Variants in MME observed in about 807,000 individuals in gnomAD.
The protein encoded by MME is membrane metalloendopeptidase.
In MME, 98 loss-of-function variants were observed where a neutral mutation model predicts 113.2. The ratio of observed to expected loss-of-function variants is 0.87; its 90% CI spans 0.74 to 1.02. MME has a LOEUF of 1.02. Ranked by LOEUF, MME falls within the 50% of genes least tolerant of loss-of-function variation. MME has a pLI of 0.00. For missense variants in MME, 836 were observed against 896.0 expected (o/e 0.93, Z 0.86); for synonymous variants, 292 against 300.6 (o/e 0.97, Z 0.30).
intron 3 of MME, among the ~76,000 whole-genome samples, chr3:155,110,110 G>C (rs1009638397): frequency 2.6e-5 from 4 of 152,222 alleles, no homozygotes; most frequent in African/African-American, 9.6e-5. Flanking sequence ...GCAGGAAAGA[G>C]AGTAAGTAAA....
At chr3:155,057,741 G>C (rs965029633) in intron 1 of MME, among the ~76,000 whole-genome samples, 2 of 150,462 alleles carry the variant, frequency 1.3e-5, no homozygotes, top group African/African-American at 4.9e-5. Context: ...GCAGGGAAGA[G>C]AGAAGTAAAG....
In MME at chr3:155,045,342, G is replaced by T. The variant is rs1400112312; in HGVS notation, c.-11+21018G>T. On this transcript the variant is annotated intron_variant, in intron 1 of 22. Coordinates refer to the MME transcript ENST00000492661. Reference sequence around the variant, plus strand: ...ATTTTTGTATTTTAGTGGAGACAGGGTTTCTCCATGTTGGCCGGGATGGTC... The same window carrying T: ...ATTTTTGTATTTTAGTGGAGACAGGTTTTCTCCATGTTGGCCGGGATGGTC... Among the ~76,000 whole-genome samples, 3 of 151,890 alleles carry T rather than the reference G, an allele frequency of 2.0e-5. No individual in the cohort carries two copies. The East Asian group carries it at 5.8e-4, about 30-fold the overall frequency.
intron 3 of MME, 151 bp from the exon 4 acceptor site, chr3:155,114,843 C>A: frequency 1.4e-6 from 1 of 739,528 alleles, no homozygotes; most frequent in South Asian, 1.6e-5. Context: ...AGATAGTATT[C>A]CTCATCCCCC....
chr3:155,057,129 C>G (rs1184023764), intron 1 of MME, among the ~76,000 whole-genome samples: 1 of 151,998 alleles, frequency 6.6e-6, no homozygotes, highest in Non-Finnish European at 1.5e-5. Flanking sequence ...TTCTGCACAG[C>G]AAAAGAAACT....
intron 16 of MME, among the ~76,000 whole-genome samples, chr3:155,154,295 G>A (rs1341759765): frequency 6.6e-6 from 1 of 152,126 alleles, no homozygotes; most frequent in Non-Finnish European, 1.5e-5. Flanking sequence ...CATATAGAAA[G>A]TTCCTGAAAG....
At chr3:155,114,902 C>T in intron 3 of MME, 92 bp from the exon 4 acceptor site, 1 of 1,286,870 alleles carries the variant, frequency 7.8e-7, no homozygotes, top group Non-Finnish European at 1.1e-6. Flanking sequence ...CAAATTGATG[C>T]AATCAAAAGG....
intron 22 of MME, among the ~76,000 whole-genome samples, chr3:155,178,415 T>C (rs1244924210): frequency 6.6e-6 from 1 of 152,088 alleles, no homozygotes; most frequent in Non-Finnish European, 1.5e-5. Flanking sequence ...AGAAAATGCT[T>C]TCTTTCTCTT....
intron 3 of MME, among the ~76,000 whole-genome samples, chr3:155,094,479 T>A (rs1716554262): frequency 6.6e-6 from 1 of 152,238 alleles, no homozygotes. Flanking sequence ...GCAAATGCAC[T>A]ATTTAAAATT....
upstream of MME, among the ~76,000 whole-genome samples, chr3:155,078,144 C>T (rs1011144023): frequency 1.3e-5 from 2 of 151,674 alleles, no homozygotes; most frequent in Non-Finnish European, 2.9e-5. Flanking sequence ...GAGGCTGAGG[C>T]AGGAGAATCG....
At chr3:155,141,049 A>T (rs962907343) in intron 10 of MME, among the ~76,000 whole-genome samples, 6 of 152,152 alleles carry the variant, frequency 3.9e-5, no homozygotes, top group African/African-American at 7.2e-5. Context: ...TTTTGTGGCT[A>T]TGCATTTATT....
chr3:155,056,021 G>A (rs1713915036), intron 1 of MME, among the ~76,000 whole-genome samples: 1 of 151,878 alleles, frequency 6.6e-6, no homozygotes, highest in South Asian at 2.1e-4. Context: ...CTCACCAACT[G>A]CCACTATCCA....
At chr3:155,101,310 G>A (rs892788860) in intron 3 of MME, among the ~76,000 whole-genome samples, 3 of 152,132 alleles carry the variant, frequency 2.0e-5, no homozygotes, top group Non-Finnish European at 4.4e-5. Flanking sequence ...CATTTTGCAT[G>A]GTGCATATCA....
chr3:155,107,967 A>G (rs928484717), intron 3 of MME, among the ~76,000 whole-genome samples: 2 of 152,224 alleles, frequency 1.3e-5, no homozygotes, highest in Admixed American at 1.3e-4. Flanking sequence ...TGAGCAATGG[A>G]TAAACATCGT....
At chr3:155,173,118 A>T (rs1712165467) in intron 22 of MME, among the ~76,000 whole-genome samples, 1 of 152,176 alleles carries the variant, frequency 6.6e-6, no homozygotes. Flanking sequence ...TCTACAGAGT[A>T]GAAAACTGAG....
chr3:155,144,718 G>A (rs1228110592), intron 14 of MME, among the ~76,000 whole-genome samples: 1 of 152,054 alleles, frequency 6.6e-6, no homozygotes, highest in African/African-American at 2.4e-5. Context: ...TGCACTATTG[G>A]TGCATTATAA....
At chr3:155,056,994 T>G (rs980557910) in intron 1 of MME, among the ~76,000 whole-genome samples, 5 of 152,168 alleles carry the variant, frequency 3.3e-5, no homozygotes, top group African/African-American at 1.2e-4. Flanking sequence ...ATAAAAACCC[T>G]AGAAGAAAAC....
intron 22 of MME, among the ~76,000 whole-genome samples, chr3:155,179,622 A>G (rs1223805667): frequency 6.6e-6 from 1 of 152,126 alleles, no homozygotes; most frequent in East Asian, 1.9e-4. Context: ...GAAGGGAAGG[A>G]GGTGGTTCAG....
At chr3:155,103,221 G>A (rs948168174) in intron 3 of MME, among the ~76,000 whole-genome samples, 1 of 152,178 alleles carries the variant, frequency 6.6e-6, no homozygotes, top group African/African-American at 2.4e-5. Flanking sequence ...ACCCAGCAAT[G>A]TGTAAGTTAC....
intron 8 of MME, among the ~76,000 whole-genome samples, chr3:155,133,662 C>CTATATATGTATGGTA (rs1266037292): frequency 7.8e-5 from 2 of 25,698 alleles, no homozygotes; most frequent in Non-Finnish European, 1.5e-4. Flanking sequence ...TATACACACA[C>CTATATATGTATGGTA]CATATATATA....
Sources: gnomAD v4.1 joint callset for allele counts (sites outside exome capture counted in the v4.1 genomes callset) on GRCh38, gnomAD v4.1.1 for gene constraint, MANE v1.5 for transcripts, NCBI Gene and HGNC (gene_info 2026-07-23, HGNC 2026-07-21) for gene names.